WDR33: variants seen among roughly 807,000 people sequenced by gnomAD.
The protein encoded by WDR33 is WD repeat domain 33, also known as pre-mRNA 3' end processing protein WDR33.
Under a neutral mutation model 164.9 loss-of-function variants are expected in WDR33, and 47 were observed. The observed-to-expected ratio is 0.29, with a 90% CI of 0.23 to 0.36. The LOEUF (loss-of-function observed/expected upper bound fraction) is 0.36, where lower values mean the gene tolerates loss of function less well. Among genes scored for constraint, WDR33 ranks in the 10% least tolerant of loss-of-function variants. The probability of loss-of-function intolerance (pLI) is 1.00; values close to 1 mark genes in which losing one functional copy is unlikely to be tolerated. For synonymous variants in WDR33, 505 were observed against 589.0 expected (o/e 0.86, Z 2.06); for missense variants, 1,137 against 1,754.1 (o/e 0.65, Z 6.28).
In WDR33 at chr2:127,713,992, T is replaced by C; in HGVS notation, c.2899A>G (p.Met967Val). The C allele has an allele frequency of 6.5e-7, 1 of 1,534,828 alleles. No homozygotes were observed. The highest frequency in any genetic ancestry group is 2.3e-5 in the East Asian group (1 of 44,302). The change falls in exon 18 of 22, where the codon ATG becomes GTG. Residue 967 changes from methionine (M) to valine (V), a missense_variant. Transcript: ENST00000322313. This position sits in a 1 kb window ranked among gnomAD's most constrained non-coding sequence, Gnocchi z 6.2. ...GDSRGPPNHH[M>V]GPMSERRHEQ... Reference sequence around the variant, plus strand: ...TGCCGCCTCTCTGACATCGGGCCCATGTGATGGTTTGGAGGGCCGCGGGAG... The same window carrying C: ...TGCCGCCTCTCTGACATCGGGCCCACGTGATGGTTTGGAGGGCCGCGGGAG...
chr2:127,733,313 G>A (rs761846237), intron 7 of WDR33, among the ~76,000 whole-genome samples: 3 of 152,200 alleles, frequency 2.0e-5, no homozygotes, highest in Non-Finnish European at 4.4e-5. Context: ...GAGTCTATAG[G>A]TAGACTGTGG....
intron 7 of WDR33, among the ~76,000 whole-genome samples, chr2:127,752,573 G>A (rs1194415140): frequency 4.8e-5 from 7 of 144,400 alleles, no homozygotes; most frequent in Non-Finnish European, 7.5e-5. Context: ...GTCCGGCCTG[G>A]GCGACAGAGC....
In WDR33 at chr2:127,718,350, C is replaced by G. The variant is rs547891308; in HGVS notation, c.2760+915G>C. Among the ~76,000 whole-genome samples the G allele has an allele frequency of 1.3e-5, 2 of 152,062 alleles. No homozygotes were observed. Among genetic ancestry groups the G allele is most frequent in the Non-Finnish European group, 2.9e-5 (2 of 68,024 alleles). On this transcript the variant is annotated intron_variant, in intron 16 of 21. Coordinates refer to ENST00000322313, the MANE Select transcript of WDR33 (RefSeq NM_018383.5). The surrounding 1 kb of genome is among the most constrained non-coding windows in gnomAD (Gnocchi z 4.4). ...CTGACTCGCTCACTTTTGGTCCACACTGGACCAAAAGTGAGTTTTCAGGGA... is the reference window on the plus strand; with the variant it reads ...CTGACTCGCTCACTTTTGGTCCACAGTGGACCAAAAGTGAGTTTTCAGGGA...
chr2:127,737,476 T>C, intron 7 of WDR33: 3 of 986,244 alleles, frequency 3.0e-6, no homozygotes, highest in Non-Finnish European at 3.6e-6. Context: ...AAAAGCAGTA[T>C]ATAGTCATCA....
intron 1 of WDR33, among the ~76,000 whole-genome samples, chr2:127,771,710 T>C (rs1213082775): frequency 1.3e-5 from 2 of 148,998 alleles, no homozygotes; most frequent in Non-Finnish European, 3.0e-5. Context: ...TCCAGAATTT[T>C]GAGGTTGCAC....
chr2:127,731,494 T>C (rs1215788127), intron 7 of WDR33, among the ~76,000 whole-genome samples: 3 of 152,178 alleles, frequency 2.0e-5, no homozygotes, highest in Non-Finnish European at 4.4e-5. Flanking sequence ...ATCAATCCTC[T>C]ACTAGGAATT....
At position 127,716,875 on chromosome 2, in the gene WDR33, C is replaced by T. The variant is rs1351217810; in HGVS notation, c.2869+280G>A. 1.3e-5 allele frequency among the ~76,000 whole-genome samples: 2 copies of T among 152,238 alleles called. No homozygotes were observed. Among genetic ancestry groups the T allele is most frequent in the Non-Finnish European group, 2.9e-5 (2 of 68,034 alleles). ...TTGCACTCAGTGAGCACAGGAACCA[C>T]CTGCATTGCCAACAGATGGGCAAGG... On this transcript the variant is annotated intron_variant, in intron 17 of 21. Transcript: ENST00000322313. The surrounding 1 kb of genome is among the most constrained non-coding windows in gnomAD (Gnocchi z 4.5).
At position 127,719,772 on chromosome 2, in the gene WDR33, C is replaced by T. The variant is rs775594206; in HGVS notation, c.2253G>A (p.Gly751=). The change falls in exon 16 of 22, where the codon GGG becomes GGA. Residue 751 remains glycine (G), a synonymous_variant. Transcript: ENST00000322313. This position sits in a 1 kb window ranked among gnomAD's most constrained non-coding sequence, Gnocchi z 6.5. ...CTTGGATCCCATGAGGATGAGGAGG[C>T]CCTTGCATTCCTCTGGGACCAGGTG... ...QGPPGPRGMQ[G]PPHPHGIQGG... 2 of 1,613,714 alleles carry T rather than the reference C, an allele frequency of 1.2e-6. No individual in the cohort carries two copies. The highest frequency in any genetic ancestry group is 1.3e-5 in the African/African-American group (1 of 74,918).
At chr2:127,786,018 C>A (rs1019670275) in intron 1 of WDR33, among the ~76,000 whole-genome samples, 1 of 152,158 alleles carries the variant, frequency 6.6e-6, no homozygotes, top group Non-Finnish European at 1.5e-5. Context: ...TCTAAAAGGT[C>A]TGTAGTATTA....
chr2:127,769,200 G>C (rs1295768791), intron 2 of WDR33, among the ~76,000 whole-genome samples, 199 bp from the exon 3 acceptor site: 2 of 152,138 alleles, frequency 1.3e-5, no homozygotes, highest in Non-Finnish European at 2.9e-5. Context: ...ACATTGCTTA[G>C]AACTTCCCTC....
At chr2:127,772,917 A>G (rs1228272742) in intron 1 of WDR33, among the ~76,000 whole-genome samples, 1 of 151,554 alleles carries the variant, frequency 6.6e-6, no homozygotes, top group African/African-American at 2.4e-5. Flanking sequence ...TGAGGCCAAA[A>G]GTTCAACACC....
chr2:127,742,854 C>A (rs1331417566), intron 7 of WDR33, among the ~76,000 whole-genome samples: 1 of 138,398 alleles, frequency 7.2e-6, no homozygotes, highest in Non-Finnish European at 1.5e-5. Flanking sequence ...TACCTATACT[C>A]ACAGTTAAAA....
At position 127,769,069 on chromosome 2, in the gene WDR33, T is replaced by C. The variant is rs1038159067; in HGVS notation, c.205-68A>G. The C allele has an allele frequency of 1.8e-5, 17 of 950,788 alleles. No individual in the cohort carries two copies. In the African/African-American group the frequency reaches 2.4e-4, roughly 14 times the overall value. 58.9% of individuals were successfully genotyped at this position (950,788 alleles called of 1,614,324 possible). On this transcript the variant is annotated intron_variant, in intron 2 of 21. Coordinates refer to ENST00000322313, the MANE Select transcript of WDR33 (RefSeq NM_018383.5). ...AATTAATGACTATATGGTCTGATTA[T>C]ACTCAATTTGAAATTAACAAAATGT... is the stretch of plus-strand genomic sequence containing the variant.
At chr2:127,736,673 A>G in intron 7 of WDR33, 2 of 985,478 alleles carry the variant, frequency 2.0e-6, no homozygotes, top group Non-Finnish European at 2.4e-6. Flanking sequence ...GAAATTAGGC[A>G]TACAACTCAT....
chr2:127,711,946 G>A (rs990358321), intron 18 of WDR33, among the ~76,000 whole-genome samples: 3 of 149,630 alleles, frequency 2.0e-5, no homozygotes, highest in Non-Finnish European at 4.5e-5. Context: ...CTAATTTTTT[G>A]TATCTTTAGT....
intron 1 of WDR33, among the ~76,000 whole-genome samples, chr2:127,774,047 CCTT>C (rs1388571939): frequency 7.2e-6 from 1 of 139,608 alleles, no homozygotes; most frequent in Non-Finnish European, 1.5e-5. Flanking sequence ...AGCCCAAAAG[CCTT>C]TTTTTTTTTT....
At chr2:127,756,072 A>G (rs1687507599) in intron 7 of WDR33, among the ~76,000 whole-genome samples, 1 of 152,142 alleles carries the variant, frequency 6.6e-6, no homozygotes, top group South Asian at 2.1e-4. Context: ...AGTGGCTCAC[A>G]CCCGTAATGA....
Position 127,722,874 on chromosome 2 carries a change from G to A in WDR33, c.1378+84C>T. On this transcript the variant is annotated intron_variant, in intron 13 of 21. Transcript: ENST00000322313. This position sits in a 1 kb window ranked among gnomAD's most constrained non-coding sequence, Gnocchi z 5.1. ...AACATTTCTCAACATAAATCATTTT[G>A]GTATTTCAATATATTTATCAGGAAC... The A allele has an allele frequency of 2.1e-6, 3 of 1,411,646 alleles. No individual in the cohort carries two copies. The highest frequency in any genetic ancestry group is 1.4e-5 in the South Asian group (1 of 72,356). The allele number at this position is 1,411,646 out of a possible 1,614,324, so 87.4% of individuals were successfully genotyped here.
rs1294158251 is a variant in WDR33 at position 127,735,592 on chromosome 2, TACTC to T, written c.725-8819_725-8816del. ...TCTTGTACAATATTAACAGAACTGT[TACTC>T]AAGAAAATGTGTTAAACATTAACAG... On this transcript the variant is annotated intron_variant, in intron 7 of 21. Transcript: ENST00000322313. The surrounding 1 kb of genome is among the most constrained non-coding windows in gnomAD (Gnocchi z 4.3). The T allele has an allele frequency of 1.0e-6, 1 of 985,722 alleles. No individual in the cohort carries two copies. The highest frequency in any genetic ancestry group is 1.7e-5 in the African/African-American group (1 of 57,232). 61.1% of individuals were successfully genotyped at this position (985,722 alleles called of 1,614,324 possible).
Sources: allele counts gnomAD v4.1 joint callset (sites outside exome capture counted in the v4.1 genomes callset), GRCh38; gene constraint gnomAD v4.1.1; non-coding constraint Gnocchi (gnomAD v3.1); transcripts MANE v1.5; gene names NCBI Gene and HGNC (gene_info 2026-07-23, HGNC 2026-07-21).